The following USH2A variants were observed in gnomAD, a reference collection of about 807,000 sequenced individuals.
USH2A encodes Usher syndrome 2A (autosomal recessive, mild).
In USH2A, 443 loss-of-function variants were observed where a neutral mutation model predicts 538.9. The ratio of observed to expected loss-of-function variants is 0.82; its 90% confidence interval spans 0.76 to 0.89. The LOEUF (loss-of-function observed/expected upper bound fraction) is 0.89. USH2A is among the 40% of genes least tolerant of loss of function. The probability of loss-of-function intolerance (pLI) is 0.00; values close to 1 mark genes in which losing one functional copy is unlikely to be tolerated. For synonymous variants in USH2A, 2,413 were observed against 2,273.5 expected (o/e 1.06, Z -1.75); for missense variants, 6,633 against 6,324.8 (o/e 1.05, Z -1.65).
intron 36 of USH2A, 79 bp from the exon 37 acceptor site, chr1:215,965,558 ATC>A: frequency 6.5e-7 from 1 of 1,541,580 alleles, no homozygotes; most frequent in Non-Finnish European, 8.9e-7. Flanking sequence ...TCTTCAAAGA[ATC>A]TCTTTTTGCT....
At chr1:216,380,055 A>G (rs774887941) in intron 3 of USH2A, among the ~76,000 whole-genome samples, 19 of 152,226 alleles carry the variant, frequency 1.2e-4, no homozygotes, top group Non-Finnish European at 2.5e-4. Context: ...TGACTTAAGG[A>G]GAGAATTGAT....
chr1:216,291,921 A>T (rs1024807189), intron 10 of USH2A, among the ~76,000 whole-genome samples: 9 of 152,070 alleles, frequency 5.9e-5, no homozygotes, highest in Non-Finnish European at 1.2e-4. Context: ...TCTTTAAAAA[A>T]CAAAACAAAA....
Position 215,888,626 on chromosome 1 carries a change from G to A in USH2A, c.8023C>T (p.Leu2675Phe). 6.2e-7 allele frequency: 1 copy of A among 1,614,152 alleles called. No individual in the cohort carries two copies. The highest frequency in any genetic ancestry group is 8.5e-7 in the Non-Finnish European group (1 of 1,180,018). The change falls in exon 41 of 72, where the codon CTC becomes TTC. Residue 2675 changes from leucine (L) to phenylalanine (F), a missense_variant. By Grantham distance (22) the Leu-to-Phe change is conservative. Transcript: ENST00000307340. ...AACCTCATGGAATGACTCCTCGGGA[G>A]AGTCACCAGGGTAGTAACTTCTTCC... ...GKEEVTTLVT[L>F]PRSHSMRFID... is the part of the protein sequence containing the mutation.
chr1:215,840,958 A>G (rs550317399), intron 46 of USH2A, among the ~76,000 whole-genome samples: 1 of 152,326 alleles, frequency 6.6e-6, no homozygotes, highest in African/African-American at 2.4e-5. Flanking sequence ...CATAAACATC[A>G]GTCCACATAT....
intron 21 of USH2A, among the ~76,000 whole-genome samples, chr1:216,169,370 A>C (rs79386317): frequency 0.016 from 2,367 of 152,238 alleles, 67 homozygotes; most frequent in African/African-American, 0.054. Context: ...AATGTACTTC[A>C]AAATAAGTCA....
chr1:216,406,562 G>A lies in USH2A; in HGVS notation c.651+11952C>T, dbSNP rs559169353. ...ACCTATACTAGACCTCTCCAAGTTC[G>A]GTACTCCCCAGTTTTCAAAGTGTAT... is the stretch of plus-strand genomic sequence containing the variant. On this transcript the variant is annotated intron_variant, in intron 3 of 71. Coordinates refer to ENST00000307340, the MANE Select transcript of USH2A (RefSeq NM_206933.4). Among the ~76,000 whole-genome samples, 10 of 152,138 alleles carry A rather than the reference G, an allele frequency of 6.6e-5. No individual in the cohort carries two copies. The East Asian group carries it at 1.6e-3, about 24-fold the overall frequency.
chr1:215,881,715 T>A (rs1664913952), intron 41 of USH2A, among the ~76,000 whole-genome samples: 1 of 152,216 alleles, frequency 6.6e-6, no homozygotes, highest in Non-Finnish European at 1.5e-5. Flanking sequence ...TTAAAACTTT[T>A]AAATAGAATT....
In USH2A at chr1:216,394,293, C is replaced by T. The variant is rs968567173; in HGVS notation, c.651+24221G>A. ...ACTTCTGAGAAACTTTAAACATACACCTACCATGTGGCACAGCAATCCTTT... is the reference window on the plus strand; with the variant it reads ...ACTTCTGAGAAACTTTAAACATACATCTACCATGTGGCACAGCAATCCTTT... On this transcript the variant is annotated intron_variant, in intron 3 of 71. Coordinates refer to ENST00000307340, the MANE Select transcript of USH2A (RefSeq NM_206933.4). Among the ~76,000 whole-genome samples, 5 of 151,210 alleles carry T rather than the reference C, an allele frequency of 3.3e-5. No individual in the cohort carries two copies. In the East Asian group the frequency reaches 9.8e-4, roughly 30 times the overall value.
chr1:215,774,550 A>G (rs1229466918), intron 55 of USH2A, among the ~76,000 whole-genome samples: 1 of 152,028 alleles, frequency 6.6e-6, no homozygotes, highest in Non-Finnish European at 1.5e-5. Flanking sequence ...AAATATTTTA[A>G]TAAATACTTT....
At chr1:216,169,697 C>T (rs938947390) in intron 21 of USH2A, among the ~76,000 whole-genome samples, 6 of 152,106 alleles carry the variant, frequency 3.9e-5, no homozygotes, top group Non-Finnish European at 8.8e-5. Context: ...GTTTCATAAT[C>T]AGAAAACACA....
Position 215,652,184 on chromosome 1 carries a change from C to T in USH2A, c.14134-1383G>A, listed in dbSNP as rs529755121. Among the ~76,000 whole-genome samples, 462 of 152,280 alleles carry T rather than the reference C, an allele frequency of 3.0e-3. 2 individuals carry two copies. The highest frequency in any genetic ancestry group is 0.011 in the African/African-American group (441 of 41,562). ...GAGCCGAGAATGTATTACTAGTCCCCTTTTAAAGGTGAGGAAATTGAGCCT... is the reference window on the plus strand; with the variant it reads ...GAGCCGAGAATGTATTACTAGTCCCTTTTTAAAGGTGAGGAAATTGAGCCT... On this transcript the variant is annotated intron_variant, in intron 64 of 71. Coordinates refer to ENST00000307340, the MANE Select transcript of USH2A (RefSeq NM_206933.4).
At chr1:216,398,938 A>G in intron 3 of USH2A, among the ~76,000 whole-genome samples, 1 of 152,276 alleles carries the variant, frequency 6.6e-6, no homozygotes, top group Admixed American at 6.5e-5. Flanking sequence ...TCTTTTCTAA[A>G]TAGTATTGGC....
At position 216,073,264 on chromosome 1, in the gene USH2A, C is replaced by T. The variant is rs111033409; in HGVS notation, c.5609G>A (p.Arg1870Gln). The T allele has an allele frequency of 3.1e-4, 504 of 1,613,624 alleles. No individual in the cohort carries two copies. The highest frequency in any genetic ancestry group is 1.5e-4 in the Admixed American group (9 of 59,898). Residue 1870 changes from arginine to glutamine, a missense_variant, in exon 28 of 72, where the codon CGG becomes CAG. Arg to Gln is a conservative substitution (Grantham distance 43). Transcript: ENST00000307340. ...GGCMKDVKFT[R>Q]GAVVNLASVS... Reference sequence around the variant, plus strand: ...AGATGCCAAGTTAACGACAGCACCCCGTGTAAATTTAACATCCTTCATGCA... The same window carrying T: ...AGATGCCAAGTTAACGACAGCACCCTGTGTAAATTTAACATCCTTCATGCA...
chr1:216,239,304 G>A (rs1230097628), intron 13 of USH2A, among the ~76,000 whole-genome samples: 4 of 152,082 alleles, frequency 2.6e-5, no homozygotes, highest in African/African-American at 7.2e-5. Flanking sequence ...TGAACACAAC[G>A]CTTTTCGTAA....
At chr1:215,939,307 C>T (rs1666577354) in intron 37 of USH2A, among the ~76,000 whole-genome samples, 1 of 152,120 alleles carries the variant, frequency 6.6e-6, no homozygotes, top group Non-Finnish European at 1.5e-5. Context: ...CTCCTAACTG[C>T]TCTTTCGGTC....
At chr1:216,158,100 C>T (rs1260357627) in intron 21 of USH2A, among the ~76,000 whole-genome samples, 1 of 152,024 alleles carries the variant, frequency 6.6e-6, no homozygotes, top group African/African-American at 2.4e-5. Context: ...ATGCAGTCCA[C>T]TGAATAAATT....
intron 19 of USH2A, among the ~76,000 whole-genome samples, chr1:216,194,952 G>GA (rs1001829878): frequency 6.6e-6 from 1 of 152,040 alleles, no homozygotes; most frequent in African/African-American, 2.4e-5. Context: ...AGCATTGTGG[G>GA]AAAAAATGTT....
At chr1:215,901,901 C>G (rs1665511132) in intron 38 of USH2A, among the ~76,000 whole-genome samples, 1 of 152,058 alleles carries the variant, frequency 6.6e-6, no homozygotes, top group African/African-American at 2.4e-5. Context: ...CCTAATGACT[C>G]CGAGCCTATA....
rs181856440 is a variant in USH2A, at chr1:216,056,534, C to T, written c.6050-7887G>A. On this transcript the variant is annotated intron_variant, in intron 30 of 71. Coordinates refer to ENST00000307340, the MANE Select transcript of USH2A (RefSeq NM_206933.4). ...CATTACTCCTCCCATTTGACCTAAG[C>T]TCCAGTTCCACAAACAAGAAAAAAG... Among the ~76,000 whole-genome samples, 313 of 152,232 alleles carry T rather than the reference C, an allele frequency of 2.1e-3. 2 individuals are homozygous for T. Among genetic ancestry groups the T allele is most frequent in the African/African-American group, 6.8e-3 (283 of 41,526 alleles).
Sources: allele counts gnomAD v4.1 joint callset (sites outside exome capture counted in the v4.1 genomes callset), GRCh38; gene constraint gnomAD v4.1.1; transcripts MANE v1.5; gene names NCBI Gene and HGNC (gene_info 2026-07-23, HGNC 2026-07-21).